The following DOCK2 variants were observed in gnomAD, a reference collection of about 807,000 sequenced individuals.
DOCK2 encodes the protein dedicator of cytokinesis 2, also known as dedicator of cytokinesis protein 2.
In DOCK2, 87 loss-of-function variants were observed where a neutral mutation model predicts 248.9. That is an observed-to-expected ratio of 0.35 (90% CI 0.29 to 0.42). The LOEUF (loss-of-function observed/expected upper bound fraction) is 0.42, where lower values mean the gene tolerates loss of function less well. Ranked by LOEUF, DOCK2 falls within the 10% of genes least tolerant of loss-of-function variation. The pLI, the probability that DOCK2 is intolerant of heterozygous loss-of-function variation, is 1.00. For synonymous variants in DOCK2, 805 were observed against 821.6 expected (o/e 0.98, Z 0.35); for missense variants, 1,747 against 2,300.2 (o/e 0.76, Z 4.92).
chr5:169,834,868 G>A (rs1002873341), intron 26 of DOCK2, among the ~76,000 whole-genome samples: 3 of 152,276 alleles, frequency 2.0e-5, no homozygotes, highest in Admixed American at 6.5e-5. Context: ...CAAGCAAACA[G>A]AAGCAAATCT....
rs1756250236 is a variant in DOCK2, at chr5:170,034,446, A to T, written c.3515A>T (p.Glu1172Val). 1 of 1,614,048 alleles carries T rather than the reference A, an allele frequency of 6.2e-7. No individual in the cohort carries two copies. The highest frequency in any genetic ancestry group is 1.3e-5 in the African/African-American group (1 of 74,924). Residue 1172 changes from glutamate (E) to valine (V), a missense_variant, in exon 35 of 52, where the codon GAG (glutamate) becomes GTG (valine). Physicochemically the swap from Glu to Val is moderately radical, Grantham distance 121 (BLOSUM62 -2). Transcript: ENST00000520908. Reference sequence around the variant, plus strand: ...CACCCAACCATTGCCAAGTCGGTGGAGAACTTCGTGAACCTGGTCAAAGGC... The same window carrying T: ...CACCCAACCATTGCCAAGTCGGTGGTGAACTTCGTGAACCTGGTCAAAGGC... ...AEHPTIAKSV[E>V]NFVNLVKGLL... is the part of the protein sequence containing the mutation.
In DOCK2 at chr5:170,077,686, A is replaced by G. The variant is rs78373831; in HGVS notation, c.4867-24A>G. 2.9e-3 allele frequency: 4,654 copies of G among 1,612,628 alleles called. 127 individuals are homozygous for G. The African/African-American group carries it at 0.054, about 19-fold the overall frequency. On this transcript the variant is annotated intron_variant, in intron 47 of 51. Transcript: ENST00000520908. ...CCACCTTCCCCAGGCTACAGCTGCT[A>G]ACCACCCTGTTCTCCCACCACAGCC...
In DOCK2 at chr5:169,801,250, C is replaced by T. The variant is rs1581208941; in HGVS notation, c.2555-1808C>T. ...CTCCTGACCTCAAGTGATCCACCTG[C>T]CTTAGCCTCCCAAAGTGCTGAGATT... On this transcript the variant is annotated intron_variant, in intron 25 of 51. Transcript: ENST00000520908. Among the ~76,000 whole-genome samples, 4 of 145,982 alleles carry T rather than the reference C, an allele frequency of 2.7e-5. No individual in the cohort carries two copies. In the East Asian group the frequency reaches 8.3e-4, roughly 30 times the overall value.
At chr5:169,939,421 G>A (rs2113701889) in intron 27 of DOCK2, among the ~76,000 whole-genome samples, 1 of 152,238 alleles carries the variant, frequency 6.6e-6, no homozygotes, top group East Asian at 1.9e-4. Flanking sequence ...GGACCTGCCT[G>A]AGGCTGTTTT....
intron 27 of DOCK2, among the ~76,000 whole-genome samples, chr5:169,936,793 A>G (rs969859452): frequency 6.6e-6 from 1 of 152,192 alleles, no homozygotes; most frequent in Non-Finnish European, 1.5e-5. Context: ...AGACGTGGCA[A>G]TGCCCACTTA....
intron 2 of DOCK2, 51 bp downstream of exon 2, chr5:169,654,537 C>G: frequency 6.3e-7 from 1 of 1,597,204 alleles, no homozygotes; most frequent in Non-Finnish European, 8.6e-7. Context: ...TGATGGAAGC[C>G]TATAGTACAC....
intron 25 of DOCK2, among the ~76,000 whole-genome samples, chr5:169,777,813 A>G (rs1404480833): frequency 6.6e-6 from 1 of 152,218 alleles, no homozygotes; most frequent in East Asian, 1.9e-4. Flanking sequence ...ATCATTAATA[A>G]CTATTACTAG....
intron 26 of DOCK2, 78 bp downstream of exon 26, chr5:169,803,284 A>T (rs1767114023): frequency 2.0e-6 from 3 of 1,530,004 alleles, no homozygotes; most frequent in Admixed American, 4.2e-5. Context: ...ATTGATACTG[A>T]TGGATAGCAG....
intron 27 of DOCK2, among the ~76,000 whole-genome samples, chr5:169,855,050 A>G (rs1481692804): frequency 3.3e-5 from 5 of 152,188 alleles, no homozygotes; most frequent in Non-Finnish European, 7.4e-5. Flanking sequence ...GCAGACCCTC[A>G]AAGAACTCCA....
intron 34 of DOCK2, among the ~76,000 whole-genome samples, chr5:170,032,032 T>C (rs1052859415): frequency 2.6e-5 from 4 of 151,310 alleles, no homozygotes; most frequent in Non-Finnish European, 5.9e-5. Flanking sequence ...TTGTTCTTTT[T>C]TTTTTTTTTT....
chr5:170,049,918 C>T (rs768172347), intron 40 of DOCK2, among the ~76,000 whole-genome samples: 25 of 152,262 alleles, frequency 1.6e-4, no homozygotes, highest in East Asian at 3.9e-4. Context: ...TTACAGGCAA[C>T]GGGGAAATGT....
At chr5:169,768,212 G>T (rs1357640243) in intron 25 of DOCK2, among the ~76,000 whole-genome samples, 1 of 152,220 alleles carries the variant, frequency 6.6e-6, no homozygotes, top group African/African-American at 2.4e-5. Context: ...CAGTCCATTG[G>T]CCAGAACACA....
At chr5:169,928,787 A>G (rs564720370) in intron 27 of DOCK2, among the ~76,000 whole-genome samples, 12 of 152,372 alleles carry the variant, frequency 7.9e-5, no homozygotes, top group African/African-American at 2.6e-4. Context: ...CCACAGCCCA[A>G]TAATGCAGAT....
At chr5:170,029,845 C>T (rs1221171698) in intron 34 of DOCK2, among the ~76,000 whole-genome samples, 1 of 152,200 alleles carries the variant, frequency 6.6e-6, no homozygotes, top group African/African-American at 2.4e-5. Context: ...CAATGAGCCT[C>T]TCGACCCTGC....
chr5:169,684,039 C>T (rs73798750), intron 7 of DOCK2, among the ~76,000 whole-genome samples, 157 bp from the exon 8 acceptor site: 1,718 of 152,236 alleles, frequency 0.011, 31 homozygotes, highest in African/African-American at 0.038. Context: ...AGAGTCAAAG[C>T]GAATTGATTC....
chr5:169,854,337 C>G (rs1364570813), intron 27 of DOCK2, among the ~76,000 whole-genome samples: 1 of 152,072 alleles, frequency 6.6e-6, no homozygotes, highest in Non-Finnish European at 1.5e-5. Context: ...AGGTACCCAC[C>G]ACCATGCCCT....
intron 25 of DOCK2, among the ~76,000 whole-genome samples, chr5:169,779,534 G>C (rs1057283669): frequency 3.3e-5 from 5 of 152,280 alleles, no homozygotes; most frequent in South Asian, 4.1e-4. Context: ...TGCTGGGACA[G>C]TGGGATAATT....
intron 27 of DOCK2, among the ~76,000 whole-genome samples, chr5:169,846,654 A>G (rs915920571): frequency 6.6e-6 from 1 of 151,570 alleles, no homozygotes; most frequent in East Asian, 1.9e-4. Flanking sequence ...ACATATATAC[A>G]CACACATATA....
At chr5:169,769,679 G>A (rs2113766024) in intron 25 of DOCK2, among the ~76,000 whole-genome samples, 1 of 152,352 alleles carries the variant, frequency 6.6e-6, no homozygotes, top group African/African-American at 2.4e-5. Context: ...GGATGTGCAT[G>A]GTATCAGCCC....
Sources: allele counts gnomAD v4.1 joint callset (sites outside exome capture counted in the v4.1 genomes callset), GRCh38; gene constraint gnomAD v4.1.1; transcripts MANE v1.5; gene names NCBI Gene and HGNC (gene_info 2026-07-23, HGNC 2026-07-21).